Variants in ZNF136 observed in about 807,000 individuals in gnomAD.
ZNF136 encodes the protein zinc finger protein 136.
Under a neutral mutation model 11.4 loss-of-function variants are expected in ZNF136, and 8 were observed. That is an observed-to-expected ratio of 0.70 (90% CI 0.41 to 1.27). The LOEUF (loss-of-function observed/expected upper bound fraction) is 1.27. Among genes scored for constraint, ZNF136 ranks in the 50% most tolerant of loss-of-function variants. ZNF136 has a pLI of 0.01. For synonymous variants in ZNF136, 190 were observed against 207.1 expected (o/e 0.92, Z 0.71); for missense variants, 590 against 656.5 (o/e 0.90, Z 1.11).
Position 12,163,337 on chromosome 19 carries a change from C to G in ZNF136, c.3+131C>G, listed in dbSNP as rs1235333688. 5.8e-6 allele frequency: 7 copies of G among 1,199,092 alleles called. No homozygotes were observed. The South Asian group carries it at 1.6e-4, about 27-fold the overall frequency. 74.3% of individuals were successfully genotyped at this position (1,199,092 alleles called of 1,614,324 possible). On this transcript the variant is annotated intron_variant, in intron 1 of 3. Transcript: ENST00000343979. The stretch of plus-strand genomic sequence containing the variant: ...TGCGTACCGAGTCCCTCTGGCGCAG[C>G]TCAGCCCTTGGTACCCTCGGCCTCA...
intron 1 of ZNF136, among the ~76,000 whole-genome samples, chr19:12,170,223 C>G (rs954942283): frequency 2.0e-5 from 3 of 152,038 alleles, no homozygotes; most frequent in African/African-American, 7.2e-5. Flanking sequence ...CCACCGCGCC[C>G]GGCCTTTTGT....
At chr19:12,175,423 G>A (rs1169830599) in intron 1 of ZNF136, among the ~76,000 whole-genome samples, 1 of 152,006 alleles carries the variant, frequency 6.6e-6, no homozygotes, top group Non-Finnish European at 1.5e-5. Flanking sequence ...TCAAACTCCT[G>A]ACCTCAGGTG....
Position 12,187,130 on chromosome 19 carries a change from C to A in ZNF136, c.752C>A (p.Pro251His). The part of the protein sequence containing the change: ...RHMIKHTGDG[P>H]YKCKVCGKPF... ...ATGATAAAGCACACTGGAGATGGAC[C>A]TTATAAATGTAAGGTATGTGGGAAA... Residue 251 changes from proline to histidine, a missense_variant, in exon 4 of 4, where the codon CCT becomes CAT. By Grantham distance (77) the Pro-to-His change is moderately conservative (BLOSUM62 -2). Transcript: ENST00000343979. 2 of 1,614,114 alleles carry A rather than the reference C, an allele frequency of 1.2e-6. No homozygotes were observed. Among genetic ancestry groups the A allele is most frequent in the Non-Finnish European group, 1.7e-6 (2 of 1,180,006 alleles).
Position 12,170,085 on chromosome 19 carries a change from C to T in ZNF136, c.3+6879C>T, listed in dbSNP as rs1051288373. ...CTGGGATTACAGGCGTGAGCCACCA[C>T]GCCCGGCCATTTTTTTGTATTTTTA... On this transcript the variant is annotated intron_variant, in intron 1 of 3. Transcript: ENST00000343979. 2.6e-4 allele frequency among the ~76,000 whole-genome samples: 38 copies of T among 148,424 alleles called. 1 individual carries two copies. Among genetic ancestry groups the T allele is most frequent in the Admixed American group, 2.1e-3 (30 of 14,490 alleles).
chr19:12,163,272 T>TGTGGC (rs941903230), intron 1 of ZNF136, 66 bp downstream of exon 1: 1 of 1,344,590 alleles, frequency 7.4e-7, no homozygotes, highest in Admixed American at 3.0e-5. Flanking sequence ...CGGAACTGGC[T>TGTGGC]GTGGCGCGGC....
Position 12,187,903 on chromosome 19 carries a change from T to C in ZNF136, c.1525T>C (p.Cys509Arg), listed in dbSNP as rs1915159714. 6.3e-7 allele frequency: 1 copy of C among 1,594,642 alleles called. No individual in the cohort carries two copies. Among genetic ancestry groups the C allele is most frequent in the Non-Finnish European group, 8.5e-7 (1 of 1,173,770 alleles). Residue 509 changes from cysteine to arginine, a missense_variant, in exon 4 of 4, where the codon TGT (cysteine) becomes CGT (arginine). By Grantham distance (180) the Cys-to-Arg change is radical. Coordinates refer to ENST00000343979, the MANE Select transcript of ZNF136 (RefSeq NM_003437.5). Reference sequence around the variant, plus strand: ...ACAGAAACCCTATCATTGCAAGGAATGTGGGAAAGCCTATTCTTGCCGTGC... The same window carrying C: ...ACAGAAACCCTATCATTGCAAGGAACGTGGGAAAGCCTATTCTTGCCGTGC... The part of the protein sequence containing the change: ...TGQKPYHCKE[C>R]GKAYSCRASF...
chr19:12,186,457 A>G, intron 3 of ZNF136, 113 bp from the exon 4 acceptor site: 1 of 970,482 alleles, frequency 1.0e-6, no homozygotes, highest in Admixed American at 2.9e-5. Context: ...CAAACAAATC[A>G]GACTTGGCAT....
At chr19:12,185,119 C>G (rs1178610751) in intron 1 of ZNF136, 1 of 152,244 alleles carries the variant, frequency 6.6e-6, no homozygotes, top group Non-Finnish European at 1.5e-5. Flanking sequence ...TATATTTATA[C>G]CCACTTTCAA....
At chr19:12,174,045 A>G (rs1356794953) in intron 1 of ZNF136, among the ~76,000 whole-genome samples, 1 of 152,048 alleles carries the variant, frequency 6.6e-6, no homozygotes, top group Non-Finnish European at 1.5e-5. Context: ...AGCTGGGATT[A>G]CAGGCATGCA....
chr19:12,181,653 G>T (rs1420706105), intron 1 of ZNF136, among the ~76,000 whole-genome samples: 3 of 150,954 alleles, frequency 2.0e-5, no homozygotes, highest in Non-Finnish European at 3.0e-5. Context: ...TTTTTGGGGG[G>T]GGACAGAGCC....
At chr19:12,178,754 G>A (rs1167489599) in intron 1 of ZNF136, among the ~76,000 whole-genome samples, 1 of 152,150 alleles carries the variant, frequency 6.6e-6, no homozygotes, top group East Asian at 1.9e-4. Context: ...ACTTTGGGAG[G>A]CTGAGGTGGG....
chr19:12,166,685 A>G (rs1214584353), intron 1 of ZNF136, among the ~76,000 whole-genome samples: 1 of 152,216 alleles, frequency 6.6e-6, no homozygotes, highest in African/African-American at 2.4e-5. Flanking sequence ...TAGTTAAGTG[A>G]CATCTTTGTC....
At chr19:12,165,617 T>TTCCA (rs1484202215) in intron 1 of ZNF136, among the ~76,000 whole-genome samples, 1 of 152,218 alleles carries the variant, frequency 6.6e-6, no homozygotes, top group African/African-American at 2.4e-5. Flanking sequence ...CAGAATCTCA[T>TTCCA]TCCAGTACAT....
intron 1 of ZNF136, 150 bp downstream of exon 1, chr19:12,163,356 G>A: frequency 9.2e-7 from 1 of 1,086,882 alleles, no homozygotes; most frequent in Non-Finnish European, 1.2e-6. Context: ...TGGTACCCTC[G>A]GCCTCAGGGT....
chr19:12,164,350 CA>C, intron 1 of ZNF136, among the ~76,000 whole-genome samples: 1 of 152,064 alleles, frequency 6.6e-6, no homozygotes, highest in African/African-American at 2.4e-5. Flanking sequence ...CGGCTCACTG[CA>C]ACCTCCATCT....
rs766886575 is a variant in ZNF136, at chr19:12,185,852, C to T, written c.71C>T (p.Ser24Phe). 1.7e-5 allele frequency: 28 copies of T among 1,613,838 alleles called. 1 individual carries two copies. The Admixed American group carries it at 4.7e-4, about 27-fold the overall frequency. Residue 24 changes from serine (S) to phenylalanine (F), a missense_variant, in exon 2 of 4, where the codon TCC becomes TTC. By Grantham distance (155) the Ser-to-Phe change is radical. Coordinates refer to ENST00000343979, the MANE Select transcript of ZNF136 (RefSeq NM_003437.5). ...GAGGAGTGGGCTTTGCTAGATCCTT[C>T]CCAGAAGAATCTCTACAGAGATGTG... is the stretch of plus-strand genomic sequence containing the variant. The part of the protein sequence containing the change: ...TQEEWALLDP[S>F]QKNLYRDVMW...
chr19:12,165,658 T>C (rs750478382), intron 1 of ZNF136, among the ~76,000 whole-genome samples: 1 of 152,220 alleles, frequency 6.6e-6, no homozygotes, highest in African/African-American at 2.4e-5. Flanking sequence ...TCTTTGATGG[T>C]CTGTGTCAGA....
intron 1 of ZNF136, among the ~76,000 whole-genome samples, chr19:12,174,658 C>G (rs541603742): frequency 6.6e-6 from 1 of 151,192 alleles, no homozygotes; most frequent in African/African-American, 2.4e-5. Flanking sequence ...TTTTTTGAGA[C>G]GGAGTCTCGC....
At chr19:12,180,146 G>A (rs1051930910) in intron 1 of ZNF136, among the ~76,000 whole-genome samples, 3 of 152,176 alleles carry the variant, frequency 2.0e-5, no homozygotes, top group Non-Finnish European at 4.4e-5. Context: ...GATTACAGGC[G>A]TGAGCCACCG....
Sources: allele counts gnomAD v4.1 joint callset (sites outside exome capture counted in the v4.1 genomes callset), GRCh38; gene constraint gnomAD v4.1.1; transcripts MANE v1.5; gene names NCBI Gene and HGNC (gene_info 2026-07-23, HGNC 2026-07-21).